Variants in ARHGAP42 observed in about 807,000 individuals in gnomAD.
ARHGAP42 encodes the protein rho GTPase-activating protein 42.
ARHGAP42 carries 63 observed loss-of-function variants against 125.0 expected under a neutral mutation model. That is an observed-to-expected ratio of 0.50 (90% confidence interval 0.41 to 0.62). The LOEUF is 0.62. Ranked by LOEUF, ARHGAP42 falls within the 20% of genes least tolerant of loss-of-function variation. The probability of loss-of-function intolerance (pLI) is 0.00; values close to 1 mark genes in which losing one functional copy is unlikely to be tolerated. For missense variants in ARHGAP42, 766 were observed against 1,024.2 expected (o/e 0.75, Z 3.44); for synonymous variants, 339 against 351.0 (o/e 0.97, Z 0.38).
intron 5 of ARHGAP42, among the ~76,000 whole-genome samples, chr11:100,920,138 G>A (rs2135241493): frequency 6.6e-6 from 1 of 152,158 alleles, no homozygotes; most frequent in Admixed American, 6.5e-5. Flanking sequence ...GAAAAGTTTT[G>A]GGTTCAAATC....
chr11:100,756,547 C>T (rs910914443), intron 1 of ARHGAP42, among the ~76,000 whole-genome samples: 5 of 152,236 alleles, frequency 3.3e-5, no homozygotes, highest in South Asian at 2.1e-4. Flanking sequence ...GAGTTGAAAA[C>T]GGCATATACA....
chr11:100,905,401 C>T (rs770287728), intron 4 of ARHGAP42, among the ~76,000 whole-genome samples: 138 of 152,258 alleles, frequency 9.1e-4, no homozygotes, highest in Non-Finnish European at 1.7e-3. Flanking sequence ...TTAACTTCCA[C>T]CTATGGAAAA....
chr11:100,741,510 C>CA (rs1565550207), intron 1 of ARHGAP42, among the ~76,000 whole-genome samples: 1 of 152,244 alleles, frequency 6.6e-6, no homozygotes, highest in Non-Finnish European at 1.5e-5. Flanking sequence ...GACCCTTGCA[C>CA]ATTCCCTGCC....
At chr11:100,902,391 C>G (rs1209217817) in intron 4 of ARHGAP42, among the ~76,000 whole-genome samples, 2 of 152,096 alleles carry the variant, frequency 1.3e-5, no homozygotes, top group Non-Finnish European at 2.9e-5. Context: ...TAAGCCTAAT[C>G]TTCCAGAAAT....
chr11:100,976,743 T>C, intron 20 of ARHGAP42, 72 bp from the exon 21 acceptor site: 4 of 1,506,430 alleles, frequency 2.7e-6, no homozygotes, highest in Admixed American at 2.1e-5. Flanking sequence ...CCTTTTGTTA[T>C]GCACATGTAC....
intron 1 of ARHGAP42, among the ~76,000 whole-genome samples, chr11:100,722,693 G>A (rs528244077): frequency 6.6e-6 from 1 of 152,256 alleles, no homozygotes; most frequent in East Asian, 1.9e-4. Flanking sequence ...AAATTTTATT[G>A]TGTGTATTTA....
intron 4 of ARHGAP42, among the ~76,000 whole-genome samples, chr11:100,896,426 C>T (rs1866366741): frequency 6.6e-6 from 1 of 152,220 alleles, no homozygotes; most frequent in African/African-American, 2.4e-5. Context: ...ACACTGTCTT[C>T]CACAATGGTT....
chr11:100,993,922 A>T lies in ARHGAP42; in HGVS notation c.*5121A>T, dbSNP rs1186206600. ...GTGTTTTAAATTACTTTAAAAATAAACTTTGTAAGCAGATTTTAATTTAGT... is the reference window on the plus strand; with the variant it reads ...GTGTTTTAAATTACTTTAAAAATAATCTTTGTAAGCAGATTTTAATTTAGT... On this transcript the variant is annotated 3_prime_UTR_variant, in exon 24 of 24. Transcript: ENST00000298815. The T allele has an allele frequency of 6.0e-6, 1 of 167,088 alleles. No homozygotes were observed. Among genetic ancestry groups the T allele is most frequent in the African/African-American group, 2.4e-5 (1 of 41,462 alleles). 10.4% of individuals were successfully genotyped at this position (167,088 alleles called of 1,614,324 possible). A position where few individuals can be genotyped will look rare whatever the true frequency, so the allele number is the denominator to read the frequency against.
chr11:100,973,378 G>T, intron 18 of ARHGAP42, 44 bp downstream of exon 18: 1 of 1,533,734 alleles, frequency 6.5e-7, no homozygotes, highest in Non-Finnish European at 8.8e-7. Flanking sequence ...TTATATCTTG[G>T]TTTTATAAAG....
intron 4 of ARHGAP42, among the ~76,000 whole-genome samples, chr11:100,903,650 G>A (rs1866624568): frequency 7.3e-6 from 1 of 137,586 alleles, no homozygotes; most frequent in Non-Finnish European, 1.5e-5. Context: ...ACACTTGGAT[G>A]CTGTATTAGT....
At chr11:100,831,553 T>C (rs536476601) in intron 3 of ARHGAP42, among the ~76,000 whole-genome samples, 4 of 152,302 alleles carry the variant, frequency 2.6e-5, no homozygotes, top group Non-Finnish European at 5.9e-5. Flanking sequence ...TAAGCACAGA[T>C]GGCCTTTGTA....
At chr11:100,938,091 A>C (rs1867783505) in intron 8 of ARHGAP42, among the ~76,000 whole-genome samples, 1 of 147,700 alleles carries the variant, frequency 6.8e-6, no homozygotes, top group Non-Finnish European at 1.5e-5. Flanking sequence ...GGCACCCCTC[A>C]CTCTCCTAGG....
intron 1 of ARHGAP42, among the ~76,000 whole-genome samples, chr11:100,698,623 G>A (rs1861333568): frequency 6.6e-6 from 1 of 152,180 alleles, no homozygotes; most frequent in African/African-American, 2.4e-5. Context: ...GGAAGTTGCG[G>A]TGAGCCCAGA....
At chr11:100,848,758 G>A (rs1865131690) in intron 3 of ARHGAP42, among the ~76,000 whole-genome samples, 1 of 152,010 alleles carries the variant, frequency 6.6e-6, no homozygotes, top group African/African-American at 2.4e-5. Flanking sequence ...TGCCCACCTT[G>A]GCCTCCCAAA....
At chr11:100,689,265 A>G (rs533926064) in intron 1 of ARHGAP42, among the ~76,000 whole-genome samples, 5 of 152,306 alleles carry the variant, frequency 3.3e-5, no homozygotes, top group African/African-American at 1.2e-4. Flanking sequence ...ATAAACACTA[A>G]TGTGAACTGT....
At chr11:100,977,965 G>T (rs1858434154) in intron 21 of ARHGAP42, among the ~76,000 whole-genome samples, 1 of 152,142 alleles carries the variant, frequency 6.6e-6, no homozygotes, top group Admixed American at 6.5e-5. Flanking sequence ...TTCTCTGACA[G>T]GAACCTTTTG....
chr11:100,728,319 T>C (rs1861896795), intron 1 of ARHGAP42, among the ~76,000 whole-genome samples: 1 of 152,154 alleles, frequency 6.6e-6, no homozygotes, highest in African/African-American at 2.4e-5. Flanking sequence ...TGTATGATGA[T>C]TGGGCACCTA....
At chr11:100,873,152 G>A (rs1865735250) in intron 4 of ARHGAP42, among the ~76,000 whole-genome samples, 3 of 152,174 alleles carry the variant, frequency 2.0e-5, no homozygotes, top group African/African-American at 7.2e-5. Context: ...CAAAAGAGAA[G>A]ACAGGGAAAG....
intron 3 of ARHGAP42, among the ~76,000 whole-genome samples, chr11:100,856,254 A>G (rs747944337): frequency 6.6e-6 from 1 of 152,070 alleles, no homozygotes; most frequent in Non-Finnish European, 1.5e-5. Flanking sequence ...TCACATTTTA[A>G]ATAAGGGTTT....
Sources: gnomAD v4.1 joint callset for allele counts (sites outside exome capture counted in the v4.1 genomes callset) on GRCh38, gnomAD v4.1.1 for gene constraint, MANE v1.5 for transcripts, NCBI Gene and HGNC (gene_info 2026-07-23, HGNC 2026-07-21) for gene names.